Variants in PTPRD observed in about 807,000 individuals in gnomAD.
PTPRD encodes protein tyrosine phosphatase receptor type D.
In PTPRD, 34 loss-of-function variants were observed where a neutral mutation model predicts 214.5. That is an observed-to-expected ratio of 0.16 (90% CI 0.12 to 0.21). The LOEUF is 0.21. Ranked by LOEUF, PTPRD falls within the 10% of genes least tolerant of loss-of-function variation. The probability of loss-of-function intolerance (pLI) is 1.00; values close to 1 mark genes in which losing one functional copy is unlikely to be tolerated. For missense variants in PTPRD, 2,545 were observed against 2,398.7 expected, an observed-to-expected ratio of 1.06 and a Z score of -1.27; for synonymous variants, 1,128 against 845.7, an observed-to-expected ratio of 1.33 and a Z score of -5.79.
intron 3 of PTPRD, among the ~76,000 whole-genome samples, chr9:10,295,615 T>C (rs1173543108): frequency 6.6e-6 from 1 of 152,138 alleles, no homozygotes; most frequent in African/African-American, 2.4e-5. Flanking sequence ...TTCCTTAGTA[T>C]GGTAGGCAGA....
At chr9:9,890,201 C>T (rs898027352) in intron 5 of PTPRD, among the ~76,000 whole-genome samples, 2 of 151,854 alleles carry the variant, frequency 1.3e-5, no homozygotes, top group African/African-American at 2.4e-5. Context: ...ATCCTATTAA[C>T]ATTTTTATTT....
At chr9:10,502,127 G>T (rs1365795329) in intron 2 of PTPRD, among the ~76,000 whole-genome samples, 1 of 151,912 alleles carries the variant, frequency 6.6e-6, no homozygotes, top group African/African-American at 2.4e-5. Context: ...ATTTCATGGT[G>T]AGAAAAGAAA....
chr9:8,721,218 C>T (rs552973555), intron 12 of PTPRD, among the ~76,000 whole-genome samples: 1 of 151,786 alleles, frequency 6.6e-6, no homozygotes, highest in African/African-American at 2.4e-5. Context: ...CATCTGAGGT[C>T]AGGAGTTCGA....
chr9:10,308,580 A>C (rs915381667), intron 3 of PTPRD, among the ~76,000 whole-genome samples: 1 of 151,964 alleles, frequency 6.6e-6, no homozygotes, highest in Non-Finnish European at 1.5e-5. Context: ...TAAAGATTTT[A>C]TTCTATTTCT....
intron 19 of PTPRD, among the ~76,000 whole-genome samples, chr9:8,523,201 G>T (rs2097924711): frequency 6.6e-6 from 1 of 152,150 alleles, no homozygotes; most frequent in African/African-American, 2.4e-5. Context: ...TTATAAGACA[G>T]AAATTAAAGG....
chr9:10,259,471 T>A (rs914730068), intron 3 of PTPRD, among the ~76,000 whole-genome samples: 3 of 152,146 alleles, frequency 2.0e-5, no homozygotes, highest in Non-Finnish European at 4.4e-5. Context: ...CTACTCCTAT[T>A]CTTGACCCTC....
intron 2 of PTPRD, among the ~76,000 whole-genome samples, chr9:10,546,609 G>C (rs565464824): frequency 6.6e-6 from 1 of 151,938 alleles, no homozygotes; most frequent in East Asian, 1.9e-4. Context: ...ACAATTTCCT[G>C]GGTCAAAATA....
chr9:8,466,088 T>G (rs1422068637), intron 31 of PTPRD, among the ~76,000 whole-genome samples: 1 of 151,960 alleles, frequency 6.6e-6, no homozygotes. Flanking sequence ...AATCTTTAAA[T>G]ATAGCCACAT....
chr9:10,033,020 T>A (rs1054854776), intron 4 of PTPRD, among the ~76,000 whole-genome samples: 2 of 151,616 alleles, frequency 1.3e-5, no homozygotes, highest in Non-Finnish European at 2.9e-5. Flanking sequence ...TTTACATGAA[T>A]TGGGAAAGTT....
chr9:8,615,118 C>T (rs2095567814), intron 14 of PTPRD, among the ~76,000 whole-genome samples: 1 of 152,122 alleles, frequency 6.6e-6, no homozygotes, highest in African/African-American at 2.4e-5. Context: ...ACCACTCTAA[C>T]TCAGCTTAGC....
At chr9:9,781,862 G>A (rs1474689040) in intron 5 of PTPRD, among the ~76,000 whole-genome samples, 1 of 150,214 alleles carries the variant, frequency 6.7e-6, no homozygotes, top group Non-Finnish European at 1.5e-5. Context: ...GCGCAATCTC[G>A]GCTCGCTGCA....
At chr9:9,849,926 T>C (rs1599706827) in intron 5 of PTPRD, among the ~76,000 whole-genome samples, 1 of 152,108 alleles carries the variant, frequency 6.6e-6, no homozygotes, top group African/African-American at 2.4e-5. Flanking sequence ...CGGAATAAGA[T>C]CTGTTAACTC....
rs1221204052 is a variant in PTPRD at position 10,272,850 on chromosome 9, G to A, written c.-545+68113C>T. On this transcript the variant is annotated intron_variant, in intron 3 of 45. Coordinates refer to ENST00000381196, the MANE Select transcript of PTPRD (RefSeq NM_002839.4). ...AGAGAACTGAGAGAATACCACACAT[G>A]TGTGAATTTTTGAAGACTTTTATCT... Among the ~76,000 whole-genome samples the A allele has an allele frequency of 6.6e-5, 10 of 151,442 alleles. No homozygotes were observed. The Admixed American group carries it at 6.6e-4, about 10-fold the overall frequency.
chr9:9,834,673 A>C (rs1227056448), intron 5 of PTPRD, among the ~76,000 whole-genome samples: 2 of 152,052 alleles, frequency 1.3e-5, no homozygotes, highest in African/African-American at 4.8e-5. Flanking sequence ...AGTTAATAAA[A>C]ATTAATTGCA....
intron 8 of PTPRD, among the ~76,000 whole-genome samples, chr9:9,496,370 C>T (rs1053596961): frequency 6.6e-6 from 1 of 151,904 alleles, no homozygotes; most frequent in Non-Finnish European, 1.5e-5. Flanking sequence ...TAGAGAACTC[C>T]TAAAACTCAA....
chr9:9,641,161 A>G (rs1031517408), intron 7 of PTPRD, among the ~76,000 whole-genome samples: 8 of 114,894 alleles, frequency 7.0e-5, no homozygotes, highest in Admixed American at 8.9e-5. Context: ...TGTTCTGTTG[A>G]TGCTGCTTAG....
chr9:8,687,552 C>G (rs538602315), intron 12 of PTPRD, among the ~76,000 whole-genome samples: 3 of 152,294 alleles, frequency 2.0e-5, no homozygotes, highest in African/African-American at 7.2e-5. Context: ...TGTACTGTGA[C>G]TGAAGTTACA....
chr9:8,590,270 G>C (rs985511616), intron 14 of PTPRD, among the ~76,000 whole-genome samples: 2 of 152,110 alleles, frequency 1.3e-5, no homozygotes, highest in African/African-American at 4.8e-5. Context: ...TATGACATAA[G>C]AGCTCTGCGG....
intron 3 of PTPRD, among the ~76,000 whole-genome samples, chr9:10,232,870 G>T (rs555186850): frequency 6.6e-6 from 1 of 152,024 alleles, no homozygotes; most frequent in Admixed American, 6.6e-5. Context: ...TGTCAACTAT[G>T]CCATACGTTT....
Sources: gnomAD v4.1 joint callset for allele counts (sites outside exome capture counted in the v4.1 genomes callset) on GRCh38, gnomAD v4.1.1 for gene constraint, MANE v1.5 for transcripts, NCBI Gene and HGNC (gene_info 2026-07-23, HGNC 2026-07-21) for gene names.